The following AGAP1 variants were observed in gnomAD, a reference collection of about 807,000 sequenced individuals.
AGAP1 encodes arf-GAP with GTPase, ANK repeat and PH domain-containing protein 1.
A neutral mutation model predicts 105.3 loss-of-function variants in AGAP1; 29 were observed. The ratio of observed to expected loss-of-function variants is 0.28; its 90% CI spans 0.21 to 0.38. The LOEUF (loss-of-function observed/expected upper bound fraction) is 0.38, where lower values mean the gene tolerates loss of function less well. AGAP1 is among the 10% of genes least tolerant of loss of function. The pLI is 1.00. For missense variants in AGAP1, 998 were observed against 1,165.1 expected (o/e 0.86, Z 2.09); for synonymous variants, 509 against 485.9 (o/e 1.05, Z -0.63).
intron 16 of AGAP1, among the ~76,000 whole-genome samples, chr2:236,064,737 C>G (rs1043558831): frequency 5.9e-5 from 9 of 152,194 alleles, no homozygotes; most frequent in African/African-American, 1.7e-4. Context: ...TTAAACAGCA[C>G]GTGAAAAGAC....
Position 235,611,608 on chromosome 2 carries a change from G to A in AGAP1, c.164-97571G>A, listed in dbSNP as rs932266097. 6.6e-6 allele frequency among the ~76,000 whole-genome samples: 1 copy of A among 152,158 alleles called. No individual in the cohort carries two copies. The highest frequency in any genetic ancestry group is 1.5e-5 in the Non-Finnish European group (1 of 68,028). On this transcript the variant is annotated intron_variant, in intron 1 of 17. Coordinates refer to ENST00000304032, the MANE Select transcript of AGAP1 (RefSeq NM_001037131.3). This position sits in a 1 kb window ranked among gnomAD's most constrained non-coding sequence, Gnocchi z 5.0. The stretch of plus-strand genomic sequence containing the variant: ...AATTAGAGAATCCCTCTCCACATGT[G>A]TTCTCTGAACAGGGAGCCCAGGGAG...
intron 1 of AGAP1, among the ~76,000 whole-genome samples, chr2:235,682,904 C>G (rs933670507): frequency 1.1e-4 from 17 of 152,084 alleles, no homozygotes; most frequent in African/African-American, 3.9e-4. Context: ...ATCTCACCCC[C>G]TCCAACACAG....
At chr2:235,496,181 C>T (rs1277061801) in intron 1 of AGAP1, among the ~76,000 whole-genome samples, 2 of 152,236 alleles carry the variant, frequency 1.3e-5, no homozygotes, top group Admixed American at 6.5e-5. Context: ...AACCATGTCC[C>T]AGCCAGGCTG....
At chr2:235,791,122 T>G (rs1291305414) in intron 6 of AGAP1, among the ~76,000 whole-genome samples, 2 of 152,218 alleles carry the variant, frequency 1.3e-5, no homozygotes, top group Non-Finnish European at 2.9e-5. Flanking sequence ...ATCAACAATA[T>G]AGAGTACACC....
chr2:235,969,492 G>A (rs920644683), intron 13 of AGAP1, among the ~76,000 whole-genome samples: 6 of 152,324 alleles, frequency 3.9e-5, no homozygotes, highest in African/African-American at 9.6e-5. Context: ...TGGTAAAAGC[G>A]TGTCTTCAGT....
chr2:235,870,274 A>G (rs2049373938), intron 9 of AGAP1, among the ~76,000 whole-genome samples: 1 of 152,188 alleles, frequency 6.6e-6, no homozygotes, highest in Non-Finnish European at 1.5e-5. Flanking sequence ...AGACCACGAT[A>G]CGCAGGGGAC....
At chr2:235,809,547 G>T (rs1385310076) in intron 9 of AGAP1, among the ~76,000 whole-genome samples, 1 of 152,186 alleles carries the variant, frequency 6.6e-6, no homozygotes, top group East Asian at 1.9e-4. Context: ...AGCCCTTGAA[G>T]CAGTTAGATG....
intron 1 of AGAP1, among the ~76,000 whole-genome samples, chr2:235,504,802 G>T (rs1468897897): frequency 1.3e-5 from 2 of 152,170 alleles, no homozygotes; most frequent in African/African-American, 4.8e-5. Context: ...TCAGTTGTTT[G>T]TTCATAAACA....
rs1466804381 is a variant in AGAP1 at position 236,056,157 on chromosome 2, A to G, written c.2114+6876A>G. Among the ~76,000 whole-genome samples, 3 of 152,176 alleles carry G rather than the reference A, an allele frequency of 2.0e-5. No individual in the cohort carries two copies. The highest frequency in any genetic ancestry group is 2.9e-5 in the Non-Finnish European group (2 of 68,026). ...TTCTAAGAAGATTCTCCATGAGGTTAAGTATAATGGGATCTGCTTTTTCAA... is the reference window on the plus strand; with the variant it reads ...TTCTAAGAAGATTCTCCATGAGGTTGAGTATAATGGGATCTGCTTTTTCAA... On this transcript the variant is annotated intron_variant, in intron 16 of 17. Transcript: ENST00000304032. The surrounding 1 kb of genome is among the most constrained non-coding windows in gnomAD (Gnocchi z 4.6).
Position 235,874,518 on chromosome 2 carries a change from G to A in AGAP1, c.1051-8827G>A, listed in dbSNP as rs967359451. The stretch of plus-strand genomic sequence containing the variant: ...CATCACTCTAGGTGCTTTCACCTAG[G>A]CAGAGCAACCGAAGTGCACTTTGCA... On this transcript the variant is annotated intron_variant, in intron 9 of 17. Coordinates refer to ENST00000304032, the MANE Select transcript of AGAP1 (RefSeq NM_001037131.3). This position sits in a 1 kb window ranked among gnomAD's most constrained non-coding sequence, Gnocchi z 4.5. Among the ~76,000 whole-genome samples the A allele has an allele frequency of 5.3e-5, 8 of 152,188 alleles. No homozygotes were observed. The highest frequency in any genetic ancestry group is 1.7e-4 in the African/African-American group (7 of 41,446).
chr2:235,948,336 C>G (rs1433638351), intron 12 of AGAP1, among the ~76,000 whole-genome samples: 1 of 152,092 alleles, frequency 6.6e-6, no homozygotes, highest in African/African-American at 2.4e-5. Context: ...GCATGCGCCA[C>G]CATGCCCAGC....
At position 235,625,489 on chromosome 2, in the gene AGAP1, A is replaced by G. The variant is rs781223106; in HGVS notation, c.164-83690A>G. Among the ~76,000 whole-genome samples, 1 of 152,222 alleles carries G rather than the reference A, an allele frequency of 6.6e-6. No individual in the cohort carries two copies. Among genetic ancestry groups the G allele is most frequent in the African/African-American group, 2.4e-5 (1 of 41,460 alleles). ...GGATGGTGGGTTTCAATGGTTTGAA[A>G]GAGAAAACCATGCTTTGCATGTGTC... On this transcript the variant is annotated intron_variant, in intron 1 of 17. Coordinates refer to ENST00000304032, the MANE Select transcript of AGAP1 (RefSeq NM_001037131.3). This position sits in a 1 kb window ranked among gnomAD's most constrained non-coding sequence, Gnocchi z 4.0.
At chr2:235,687,698 G>A (rs4663614) in intron 1 of AGAP1, among the ~76,000 whole-genome samples, 151,101 of 152,306 alleles carry the variant, frequency 0.99, 74,957 homozygotes, top group Middle Eastern at 1. Context: ...TGCCACCTTC[G>A]TTCAGATCAG....
intron 9 of AGAP1, among the ~76,000 whole-genome samples, chr2:235,826,033 C>T (rs1321990718): frequency 6.6e-6 from 1 of 152,110 alleles, no homozygotes; most frequent in Non-Finnish European, 1.5e-5. Flanking sequence ...AATAGAAACC[C>T]TCTCAATTGT....
Position 235,965,148 on chromosome 2 carries a change from G to C in AGAP1, c.1484-3314G>C, listed in dbSNP as rs971819492. Among the ~76,000 whole-genome samples, 7 of 152,226 alleles carry C rather than the reference G, an allele frequency of 4.6e-5. No individual in the cohort carries two copies. Among genetic ancestry groups the C allele is most frequent in the Admixed American group, 3.9e-4 (6 of 15,286 alleles). ...GGGCAGAAGTGGCAGGGAAGTGGCAGTTTCAAGGGTGAAGCCCAAGGTGAT... is the reference window on the plus strand; with the variant it reads ...GGGCAGAAGTGGCAGGGAAGTGGCACTTTCAAGGGTGAAGCCCAAGGTGAT... On this transcript the variant is annotated intron_variant, in intron 12 of 17. Coordinates refer to ENST00000304032, the MANE Select transcript of AGAP1 (RefSeq NM_001037131.3). This position sits in a 1 kb window ranked among gnomAD's most constrained non-coding sequence, Gnocchi z 5.8.
At chr2:236,093,652 C>A (rs1234564808) in intron 16 of AGAP1, among the ~76,000 whole-genome samples, 1 of 152,118 alleles carries the variant, frequency 6.6e-6, no homozygotes, top group East Asian at 1.9e-4. Flanking sequence ...GAGAGAAATT[C>A]AGCCCTAGAA....
rs771794581 is a variant in AGAP1 at position 235,802,684 on chromosome 2, TGTG to T, written c.957+3169_957+3171del. ...TGGTTGTGGTTGTGGTGATGATGGT[TGTG>T]GTGGTGATGATGGTTGTGATAATGA... On this transcript the variant is annotated intron_variant, in intron 8 of 17. Coordinates refer to ENST00000304032, the MANE Select transcript of AGAP1 (RefSeq NM_001037131.3). Among the ~76,000 whole-genome samples, 93 of 145,518 alleles carry T rather than the reference TGTG, an allele frequency of 6.4e-4. 1 individual carries two copies. The highest frequency in any genetic ancestry group is 1.9e-3 in the East Asian group (9 of 4,774).
chr2:235,791,938 A>G (rs1294005645), intron 6 of AGAP1, among the ~76,000 whole-genome samples: 1 of 152,238 alleles, frequency 6.6e-6, no homozygotes, highest in Non-Finnish European at 1.5e-5. Context: ...CCTCAGCTGC[A>G]TAAATTTTGC....
In AGAP1 at chr2:235,867,892, C is replaced by T. The variant is rs1043065078; in HGVS notation, c.1051-15453C>T. Among the ~76,000 whole-genome samples the T allele has an allele frequency of 5.9e-5, 9 of 152,184 alleles. No individual in the cohort carries two copies. Among genetic ancestry groups the T allele is most frequent in the East Asian group, 3.9e-4 (2 of 5,182 alleles). On this transcript the variant is annotated intron_variant, in intron 9 of 17. Coordinates refer to ENST00000304032, the MANE Select transcript of AGAP1 (RefSeq NM_001037131.3). The surrounding 1 kb of genome is among the most constrained non-coding windows in gnomAD (Gnocchi z 5.4). ...CATCCACCCACCACCCACCCAGATG[C>T]GCTTCTCTAGTTTTATTGAGGTCAG...
Sources: allele counts gnomAD v4.1 joint callset (sites outside exome capture counted in the v4.1 genomes callset), GRCh38; gene constraint gnomAD v4.1.1; non-coding constraint Gnocchi (gnomAD v3.1); transcripts MANE v1.5; gene names NCBI Gene and HGNC (gene_info 2026-07-23, HGNC 2026-07-21).